The following KCNH5 variants were observed in gnomAD, a reference collection of about 807,000 sequenced individuals.
The protein encoded by KCNH5 is potassium voltage-gated channel subfamily H member 5.
A neutral mutation model predicts 96.1 loss-of-function variants in KCNH5; 46 were observed. That is an observed-to-expected ratio of 0.48 (90% CI 0.38 to 0.61). KCNH5 has a LOEUF of 0.61. Among genes scored for constraint, KCNH5 ranks in the 20% least tolerant of loss-of-function variants. KCNH5 has a pLI of 0.00. For synonymous variants in KCNH5, 439 were observed against 449.8 expected (o/e 0.98, Z 0.30); for missense variants, 907 against 1,225.8 (o/e 0.74, Z 3.88).
At chr14:63,001,527 C>A (rs993525927) in intron 3 of KCNH5, 68 bp from the exon 4 acceptor site, 3 of 1,458,598 alleles carry the variant, frequency 2.1e-6, no homozygotes, top group Non-Finnish European at 2.8e-6. Context: ...GTTTGGTCTC[C>A]TGGCTTCCTT....
intron 10 of KCNH5, among the ~76,000 whole-genome samples, chr14:62,758,594 G>A (rs1347606481): frequency 3.3e-5 from 5 of 152,160 alleles, no homozygotes; most frequent in African/African-American, 1.2e-4. Context: ...TAAGAACTCT[G>A]TAATATCATT....
chr14:62,901,139 C>T (rs998451670), intron 7 of KCNH5, among the ~76,000 whole-genome samples: 4 of 152,144 alleles, frequency 2.6e-5, no homozygotes, highest in Non-Finnish European at 1.5e-5. Flanking sequence ...CAAGCATGAG[C>T]CACTGTGTCC....
chr14:62,908,782 A>AT (rs71120241), intron 7 of KCNH5, among the ~76,000 whole-genome samples: 2,480 of 23,626 alleles, frequency 0.1, 675 homozygotes, highest in African/African-American at 0.15. Context: ...TTTGCTTTGT[A>AT]TTTTTTTTTT....
chr14:62,815,708 G>C (rs1886964406), intron 8 of KCNH5, among the ~76,000 whole-genome samples: 1 of 151,808 alleles, frequency 6.6e-6, no homozygotes, highest in African/African-American at 2.4e-5. Context: ...TATTTAAAGA[G>C]AAAAAATAAA....
chr14:62,981,280 T>C lies in KCNH5; in HGVS notation c.550-16A>G, dbSNP rs1890602319. 1 of 1,612,436 alleles carries C rather than the reference T, an allele frequency of 6.2e-7. No homozygotes were observed. Among genetic ancestry groups the C allele is most frequent in the South Asian group, 1.1e-5 (1 of 90,926 alleles). ...GCTGAAGAACCTAAAAGAGAGAAAA[T>C]GTATTTATACATGACTAGGTTATCT... On this transcript the variant is annotated splice_polypyrimidine_tract_variant and intron_variant, in intron 5 of 10. Transcript: ENST00000322893.
At chr14:62,874,396 C>T (rs1025090056) in intron 7 of KCNH5, among the ~76,000 whole-genome samples, 2 of 152,126 alleles carry the variant, frequency 1.3e-5, no homozygotes, top group Non-Finnish European at 2.9e-5. Flanking sequence ...TAGAGAAATG[C>T]AAATCAAAAC....
intron 10 of KCNH5, among the ~76,000 whole-genome samples, chr14:62,751,972 T>C (rs576441656): frequency 4.6e-5 from 7 of 152,300 alleles, no homozygotes; most frequent in Admixed American, 4.6e-4. Context: ...CTAAACGCCC[T>C]TGAAATAAAG....
intron 7 of KCNH5, among the ~76,000 whole-genome samples, chr14:62,877,239 C>A (rs1035470760): frequency 6.6e-6 from 1 of 151,624 alleles, no homozygotes; most frequent in Non-Finnish European, 1.5e-5. Flanking sequence ...ACCATAAAAA[C>A]CCTAGAAGAA....
At chr14:63,009,487 T>G (rs1891186528) in intron 2 of KCNH5, among the ~76,000 whole-genome samples, 1 of 152,220 alleles carries the variant, frequency 6.6e-6, no homozygotes, top group African/African-American at 2.4e-5. Context: ...AAAATAGTCT[T>G]TCATTTCTTA....
At chr14:62,967,647 G>A (rs1890328443) in intron 6 of KCNH5, among the ~76,000 whole-genome samples, 2 of 152,100 alleles carry the variant, frequency 1.3e-5, no homozygotes, top group East Asian at 3.9e-4. Flanking sequence ...GTATTAAAAA[G>A]GCTAAATGAA....
At chr14:62,830,664 C>T (rs1887327299) in intron 8 of KCNH5, among the ~76,000 whole-genome samples, 1 of 152,140 alleles carries the variant, frequency 6.6e-6, no homozygotes, top group African/African-American at 2.4e-5. Flanking sequence ...CACCTCCCAG[C>T]AGATCCCTCC....
intron 10 of KCNH5, among the ~76,000 whole-genome samples, chr14:62,731,020 A>G (rs4389083): frequency 0.099 from 15,120 of 152,112 alleles, 1,173 homozygotes; most frequent in African/African-American, 0.21. Flanking sequence ...CTAATCACAG[A>G]CCAGGTGCAG....
chr14:62,997,876 G>A (rs888435282), intron 4 of KCNH5, among the ~76,000 whole-genome samples: 2 of 144,826 alleles, frequency 1.4e-5, no homozygotes, highest in South Asian at 4.5e-4. Flanking sequence ...CTCCAACCTG[G>A]GGGACAGAGC....
At chr14:62,756,082 A>T (rs1465853000) in intron 10 of KCNH5, among the ~76,000 whole-genome samples, 1 of 152,154 alleles carries the variant, frequency 6.6e-6, no homozygotes, top group South Asian at 2.1e-4. Flanking sequence ...AAACTATTAG[A>T]ACTGAAAAAC....
At chr14:62,968,233 T>A (rs1043449778) in intron 6 of KCNH5, among the ~76,000 whole-genome samples, 1 of 152,224 alleles carries the variant, frequency 6.6e-6, no homozygotes, top group Non-Finnish European at 1.5e-5. Context: ...ACTCTTACCC[T>A]TTCTCCAAAT....
intron 3 of KCNH5, among the ~76,000 whole-genome samples, chr14:63,004,641 G>A (rs989151703): frequency 6.6e-6 from 1 of 152,202 alleles, no homozygotes; most frequent in Non-Finnish European, 1.5e-5. Context: ...GTCTTGCTCT[G>A]TCACCCAGGC....
intron 10 of KCNH5, among the ~76,000 whole-genome samples, chr14:62,738,503 T>G (rs1351744712): frequency 6.6e-6 from 1 of 152,134 alleles, no homozygotes; most frequent in African/African-American, 2.4e-5. Context: ...TCATCTCATA[T>G]AAATAATAAC....
intron 10 of KCNH5, among the ~76,000 whole-genome samples, chr14:62,765,456 T>A (rs546634805): frequency 6.6e-6 from 1 of 152,174 alleles, no homozygotes; most frequent in South Asian, 2.1e-4. Context: ...TGGACATAGG[T>A]CCTGGCAAAG....
chr14:62,838,203 T>C (rs1023534678), intron 8 of KCNH5, among the ~76,000 whole-genome samples: 2 of 152,180 alleles, frequency 1.3e-5, no homozygotes, highest in African/African-American at 4.8e-5. Context: ...CTAAGTCTGA[T>C]TGGTCATCCA....
Sources: allele counts gnomAD v4.1 joint callset (sites outside exome capture counted in the v4.1 genomes callset), GRCh38; gene constraint gnomAD v4.1.1; transcripts MANE v1.5; gene names NCBI Gene and HGNC (gene_info 2026-07-23, HGNC 2026-07-21).